The following TMC1 variants were observed in gnomAD, a reference collection of about 807,000 sequenced individuals.
TMC1 encodes the protein transmembrane channel-like protein 1.
A neutral mutation model predicts 105.8 loss-of-function variants in TMC1; 84 were observed. The ratio of observed to expected loss-of-function variants is 0.79; its 90% CI spans 0.67 to 0.95. The LOEUF is 0.95. Ranked by LOEUF, TMC1 falls within the 40% of genes least tolerant of loss-of-function variation. The pLI is 0.00. For synonymous variants in TMC1, 315 were observed against 311.5 expected, an observed-to-expected ratio of 1.01 and a Z score of -0.12; for missense variants, 817 against 914.1, an observed-to-expected ratio of 0.89 and a Z score of 1.37.
At chr9:72,630,587 A>G (rs2132135117) in intron 4 of TMC1, among the ~76,000 whole-genome samples, 1 of 152,306 alleles carries the variant, frequency 6.6e-6, no homozygotes, top group South Asian at 2.1e-4. Flanking sequence ...ATTAAAAATC[A>G]TGTTTATGAA....
At chr9:72,619,597 AC>A (rs1825204920) in intron 3 of TMC1, among the ~76,000 whole-genome samples, 1 of 152,044 alleles carries the variant, frequency 6.6e-6, no homozygotes, top group Non-Finnish European at 1.5e-5. Flanking sequence ...CCAATCTTCT[AC>A]AGTTAGCATG....
At chr9:72,537,968 C>T (rs1390790639) in intron 1 of TMC1, among the ~76,000 whole-genome samples, 1 of 151,924 alleles carries the variant, frequency 6.6e-6, no homozygotes, top group East Asian at 1.9e-4. Context: ...TCAGCCTGGG[C>T]AACATGATGA....
At chr9:72,522,891 T>C (rs56785812) in intron 1 of TMC1, among the ~76,000 whole-genome samples, 18,163 of 152,218 alleles carry the variant, frequency 0.12, 1,248 homozygotes, top group Non-Finnish European at 0.16. Flanking sequence ...ATAATCCTTT[T>C]TTGTGAGGGG....
At chr9:72,801,740 T>A (rs1336165891) in intron 17 of TMC1, among the ~76,000 whole-genome samples, 1 of 152,234 alleles carries the variant, frequency 6.6e-6, no homozygotes, top group Non-Finnish European at 1.5e-5. Context: ...GTGCTCCCCA[T>A]CCTGACAAGC....
Position 72,751,476 on chromosome 9 carries a change from G to A in TMC1, c.536-374G>A, listed in dbSNP as rs563702939. ...GATAGCTAATTACTAGCTAGGCACT[G>A]TAGTTACCTTTACATATATTTGCTC... is the stretch of plus-strand genomic sequence containing the variant. On this transcript the variant is annotated intron_variant, in intron 10 of 23. Transcript: ENST00000297784. 4.6e-5 allele frequency among the ~76,000 whole-genome samples: 7 copies of A among 152,332 alleles called. No individual in the cohort carries two copies. The South Asian group carries it at 1.5e-3, about 32-fold the overall frequency.
intron 8 of TMC1, among the ~76,000 whole-genome samples, chr9:72,738,638 G>A (rs144929219): frequency 6.6e-5 from 10 of 151,884 alleles, no homozygotes; most frequent in Non-Finnish European, 7.4e-5. Context: ...GGGTGGTCTC[G>A]AACTCCTGAC....
intron 17 of TMC1, 107 bp from the exon 18 acceptor site, chr9:72,805,275 G>T: frequency 1.8e-6 from 2 of 1,134,476 alleles, no homozygotes; most frequent in Non-Finnish European, 1.3e-6. Context: ...GCCATTAATT[G>T]CAGTCTTCAA....
At chr9:72,738,917 G>A (rs1827343556) in intron 8 of TMC1, among the ~76,000 whole-genome samples, 1 of 151,990 alleles carries the variant, frequency 6.6e-6, no homozygotes, top group Non-Finnish European at 1.5e-5. Context: ...TAAACTATAT[G>A]TTCTGCAGCC....
At position 72,720,608 on chromosome 9, in the gene TMC1, C is replaced by T. The variant is rs151267543; in HGVS notation, c.363-19511C>T. Among the ~76,000 whole-genome samples, 155 of 152,318 alleles carry T rather than the reference C, an allele frequency of 1.0e-3. No homozygotes were observed. In the Middle Eastern group the frequency reaches 0.01, roughly 10 times the overall value. On this transcript the variant is annotated intron_variant, in intron 8 of 23. Coordinates refer to ENST00000297784, the MANE Select transcript of TMC1 (RefSeq NM_138691.3). ...TGGAATGAATGACACAGGACAAGTA[C>T]GCCTGATCATAGCAGTAGCTTGTGA... is the stretch of plus-strand genomic sequence containing the variant.
At chr9:72,561,279 C>T (rs890113654) in intron 1 of TMC1, among the ~76,000 whole-genome samples, 1 of 133,722 alleles carries the variant, frequency 7.5e-6, no homozygotes, top group African/African-American at 2.9e-5. Flanking sequence ...GATCGTGCCA[C>T]TGCACTCCAG....
intron 20 of TMC1, among the ~76,000 whole-genome samples, chr9:72,825,362 A>G (rs2118313826): frequency 6.6e-6 from 1 of 152,358 alleles, no homozygotes; most frequent in East Asian, 1.9e-4. Context: ...AGAATATTGT[A>G]TGATAGCATA....
chr9:72,605,316 C>T (rs1398923314), intron 2 of TMC1, among the ~76,000 whole-genome samples: 1 of 152,186 alleles, frequency 6.6e-6, no homozygotes, highest in Non-Finnish European at 1.5e-5. Context: ...GAAGCAGATT[C>T]ACTGGGTGGT....
intron 3 of TMC1, among the ~76,000 whole-genome samples, chr9:72,620,522 A>G (rs745661925): frequency 1.3e-5 from 2 of 152,154 alleles, no homozygotes; most frequent in Non-Finnish European, 2.9e-5. Context: ...AAGTGCTGGC[A>G]TTACAGTCCT....
chr9:72,558,912 C>A (rs922498487), intron 1 of TMC1, among the ~76,000 whole-genome samples: 1 of 149,556 alleles, frequency 6.7e-6, no homozygotes, highest in Non-Finnish European at 1.5e-5. Flanking sequence ...CCTTTTTCAA[C>A]CATTTTTTTT....
At chr9:72,606,896 CAAAT>C (rs890114059) in intron 2 of TMC1, among the ~76,000 whole-genome samples, 1 of 151,446 alleles carries the variant, frequency 6.6e-6, no homozygotes, top group African/African-American at 2.4e-5. Flanking sequence ...ATGGGAGAAA[CAAAT>C]AACATCTGCT....
chr9:72,536,736 C>A (rs1418069166), intron 1 of TMC1, among the ~76,000 whole-genome samples: 1 of 152,210 alleles, frequency 6.6e-6, no homozygotes, highest in Non-Finnish European at 1.5e-5. Flanking sequence ...GGCAGCCCCA[C>A]TCTTTGGCTT....
At chr9:72,584,837 T>G (rs2132101614) in intron 2 of TMC1, among the ~76,000 whole-genome samples, 1 of 140,984 alleles carries the variant, frequency 7.1e-6, no homozygotes, top group Admixed American at 7.7e-5. Context: ...CAGGCTGGAG[T>G]GCAGTGACAC....
intron 6 of TMC1, among the ~76,000 whole-genome samples, chr9:72,690,654 T>A (rs1369341227): frequency 6.6e-6 from 1 of 152,156 alleles, no homozygotes; most frequent in African/African-American, 2.4e-5. Flanking sequence ...TCATCCTACT[T>A]TCTTCTGGCC....
intron 17 of TMC1, among the ~76,000 whole-genome samples, chr9:72,796,159 A>G (rs548337713): frequency 3.3e-5 from 5 of 152,308 alleles, no homozygotes; most frequent in Admixed American, 3.3e-4. Context: ...TATCCTAAAT[A>G]TATATGCACT....
Sources: gnomAD v4.1 joint callset for allele counts (sites outside exome capture counted in the v4.1 genomes callset) on GRCh38, gnomAD v4.1.1 for gene constraint, MANE v1.5 for transcripts, NCBI Gene and HGNC (gene_info 2026-07-23, HGNC 2026-07-21) for gene names.